Variants in SPATA24 observed in about 807,000 individuals in gnomAD.
SPATA24 encodes spermatogenesis-associated protein 24.
A neutral mutation model predicts 28.9 loss-of-function variants in SPATA24; 21 were observed. That is an observed-to-expected ratio of 0.73 (90% CI 0.52 to 1.05). The LOEUF (loss-of-function observed/expected upper bound fraction) is 1.05, where lower values mean the gene tolerates loss of function less well. Among genes scored for constraint, SPATA24 ranks in the 50% least tolerant of loss-of-function variants. The pLI is 0.00. For missense variants in SPATA24, 215 were observed against 242.9 expected, an observed-to-expected ratio of 0.88 and a Z score of 0.76; for synonymous variants, 76 against 89.9, an observed-to-expected ratio of 0.85 and a Z score of 0.88.
At chr5:139,400,393 G>C (rs1337123724) in intron 4 of SPATA24, among the ~76,000 whole-genome samples, 1 of 146,698 alleles carries the variant, frequency 6.8e-6, no homozygotes, top group Non-Finnish European at 1.5e-5. Context: ...TGCAACCTCT[G>C]CCTCCTGGGT....
chr5:139,402,160 C>G, intron 2 of SPATA24, 115 bp from the exon 3 acceptor site: 1 of 1,329,044 alleles, frequency 7.5e-7, no homozygotes, highest in Non-Finnish European at 1.0e-6. Flanking sequence ...CAGGGAGATT[C>G]TGGCCACCTT....
downstream of SPATA24, chr5:139,393,561 T>C (rs1169447666): frequency 3.2e-6 from 5 of 1,551,108 alleles, no homozygotes; most frequent in African/African-American, 5.5e-5. Context: ...TAGGACGATC[T>C]GGAGCCTCCC....
intron 4 of SPATA24, among the ~76,000 whole-genome samples, chr5:139,401,127 T>C (rs1403901833): frequency 2.0e-5 from 3 of 151,964 alleles, no homozygotes; most frequent in African/African-American, 7.3e-5. Flanking sequence ...CACTCCAACC[T>C]AGGCAACAGA....
chr5:139,402,788 C>A (rs1371691380), intron 1 of SPATA24, 95 bp from the exon 2 acceptor site: 14 of 896,278 alleles, frequency 1.6e-5, no homozygotes, highest in Non-Finnish European at 2.3e-5. Flanking sequence ...GGATGATGCT[C>A]GTGGTACCTA....
At chr5:139,397,713 C>A (rs2152078107) in intron 4 of SPATA24, among the ~76,000 whole-genome samples, 1 of 152,278 alleles carries the variant, frequency 6.6e-6, no homozygotes, top group Admixed American at 6.5e-5. Flanking sequence ...TGCCACCACG[C>A]CCAGCTAATT....
chr5:139,393,530 G>C (rs1213649635), downstream of SPATA24: 3 of 1,551,432 alleles, frequency 1.9e-6, no homozygotes, highest in Non-Finnish European at 2.6e-6. Flanking sequence ...GTCTCTTGGG[G>C]AGATGGGCCC....
At chr5:139,395,373 C>A, downstream of SPATA24, 1 of 352,352 alleles carries the variant, frequency 2.8e-6, no homozygotes, top group Non-Finnish European at 5.1e-6. Flanking sequence ...ACTTTCAAAG[C>A]CTTGGAGCCA....
At chr5:139,396,251 T>C (rs1193659520), downstream of SPATA24, 5 of 985,260 alleles carry the variant, frequency 5.1e-6, no homozygotes, top group Non-Finnish European at 6.0e-6. Flanking sequence ...ATGTTGCTGC[T>C]CCATCCCATC....
rs1369409999 is a variant in SPATA24, at chr5:139,403,946, C to A, written c.115G>T (p.Val39Leu). The change falls in exon 1 of 6, where the codon GTG becomes TTG. Residue 39 changes from valine to leucine, a missense_variant and splice_region_variant. By Grantham distance (32) the Val-to-Leu change is conservative (BLOSUM62 1). Coordinates refer to ENST00000450845, the MANE Select transcript of SPATA24 (RefSeq NM_194296.2). ...QEELIHQLRN[V>L]MVLQDENFVS... ...CCCAAACTCCTCTGGCTGCATACCA[C>A]GTTCCTCAGCTGGTGGATTAGTTCC... The A allele has an allele frequency of 6.4e-7, 1 of 1,551,176 alleles. No homozygotes were observed. Among genetic ancestry groups the A allele is most frequent in the Non-Finnish European group, 8.7e-7 (1 of 1,146,584 alleles).
downstream of SPATA24, chr5:139,395,001 G>A: frequency 6.7e-7 from 1 of 1,491,620 alleles, no homozygotes; most frequent in South Asian, 1.3e-5. Flanking sequence ...ACGAACCGGA[G>A]GAGTCCTGGC....
chr5:139,395,137 CG>C, downstream of SPATA24: 1 of 1,359,650 alleles, frequency 7.4e-7, no homozygotes, highest in Non-Finnish European at 9.5e-7. Context: ...CTGGTGGCGC[CG>C]GCACTGTCCC....
At position 139,402,063 on chromosome 5, in the gene SPATA24, G is replaced by T; in HGVS notation, c.184-18C>A. On this transcript the variant is annotated intron_variant, in intron 2 of 5. Coordinates refer to ENST00000450845, the MANE Select transcript of SPATA24 (RefSeq NM_194296.2). Reference sequence around the variant, plus strand: ...TTCTCTTCCTGCAGGGGCAGCAGCAGTCACCTCATTACCCTAGGCCGCCTT... The same window carrying T: ...TTCTCTTCCTGCAGGGGCAGCAGCATTCACCTCATTACCCTAGGCCGCCTT... The T allele has an allele frequency of 6.5e-7, 1 of 1,549,838 alleles. No homozygotes were observed. Among genetic ancestry groups the T allele is most frequent in the East Asian group, 2.4e-5 (1 of 40,912 alleles).
downstream of SPATA24, chr5:139,394,823 C>T (rs1187247414): frequency 6.5e-7 from 1 of 1,530,260 alleles, no homozygotes; most frequent in Non-Finnish European, 8.8e-7. Flanking sequence ...CGCGGGAAAC[C>T]CGAGCCGGGC....
At chr5:139,392,736 G>A, downstream of SPATA24, 1 of 1,411,490 alleles carries the variant, frequency 7.1e-7, no homozygotes, top group Non-Finnish European at 9.2e-7. This position sits in a 1 kb window ranked among gnomAD's most constrained non-coding sequence, Gnocchi z 5.8. Context: ...ATGAGCTGCG[G>A]GCGCCGCCTA....
chr5:139,397,844 CA>C (rs1233103907), intron 4 of SPATA24, among the ~76,000 whole-genome samples: 2 of 152,302 alleles, frequency 1.3e-5, no homozygotes, highest in African/African-American at 4.8e-5. Flanking sequence ...CGTGAGCCAC[CA>C]TGCCCAACAT....
At chr5:139,394,147 G>C, downstream of SPATA24, 1 of 1,546,412 alleles carries the variant, frequency 6.5e-7, no homozygotes, top group South Asian at 1.2e-5. Context: ...CCACGGCCTC[G>C]GGGCCTTGGC....
At chr5:139,397,276 C>T in intron 4 of SPATA24, 133 bp from the exon 5 acceptor site, 1 of 647,494 alleles carries the variant, frequency 1.5e-6, no homozygotes, top group Non-Finnish European at 2.7e-6. Flanking sequence ...ACTGCTAATA[C>T]CTTAGTATGA....
At position 139,403,942 on chromosome 5, in the gene SPATA24, A is replaced by G; in HGVS notation, c.117+2T>C. 1 of 1,551,060 alleles carries G rather than the reference A, an allele frequency of 6.4e-7. No homozygotes were observed. Among genetic ancestry groups the G allele is most frequent in the South Asian group, 1.2e-5 (1 of 84,058 alleles). ...TCTCCCCAAACTCCTCTGGCTGCATACCACGTTCCTCAGCTGGTGGATTAG... is the reference window on the plus strand; with the variant it reads ...TCTCCCCAAACTCCTCTGGCTGCATGCCACGTTCCTCAGCTGGTGGATTAG... On this transcript the variant is annotated splice_donor_variant, in intron 1 of 5. Coordinates refer to ENST00000450845, the MANE Select transcript of SPATA24 (RefSeq NM_194296.2). LOFTEE classifies it high-confidence loss of function.
chr5:139,393,383 T>A (rs1021229114), downstream of SPATA24: 5 of 1,551,548 alleles, frequency 3.2e-6, no homozygotes, highest in Admixed American at 7.8e-5. Context: ...ATTTCCCGCG[T>A]GGATGGACTC....
Sources: gnomAD v4.1 joint callset for allele counts (sites outside exome capture counted in the v4.1 genomes callset) on GRCh38, gnomAD v4.1.1 for gene constraint, Gnocchi (gnomAD v3.1) non-coding constraint, MANE v1.5 for transcripts, NCBI Gene and HGNC (gene_info 2026-07-23, HGNC 2026-07-21) for gene names.